The following FBXW10B variants were observed in gnomAD, a reference collection of about 807,000 sequenced individuals.
FBXW10B encodes the protein F-box and WD repeat domain containing 10B.
chr17:15,610,642 A>G, the FBXW10B span, among the ~76,000 whole-genome samples: 1 of 152,106 alleles, frequency 6.6e-6, no homozygotes, highest in Non-Finnish European at 1.5e-5. Flanking sequence ...GTTAGAAGAG[A>G]TTTCCTTGAA....
the FBXW10B span, among the ~76,000 whole-genome samples, chr17:15,576,776 G>T: frequency 6.6e-6 from 1 of 150,568 alleles, no homozygotes; most frequent in Admixed American, 6.6e-5. Flanking sequence ...ATTTAGAGAG[G>T]ATAAATTAAA....
the FBXW10B span, among the ~76,000 whole-genome samples, chr17:15,606,299 T>C: frequency 7.1e-6 from 1 of 140,590 alleles, no homozygotes; most frequent in Non-Finnish European, 1.5e-5. Context: ...CAGGGATGTA[T>C]AGTCACTCTA....
the FBXW10B span, among the ~76,000 whole-genome samples, chr17:15,587,261 G>T: frequency 1.3e-5 from 2 of 151,286 alleles, no homozygotes; most frequent in African/African-American, 2.5e-5. Context: ...TGACCACAGG[G>T]TTCAGAAGAG....
chr17:15,566,415 G>A, the FBXW10B span: 14 of 1,322,128 alleles, frequency 1.1e-5, 1 homozygote, highest in South Asian at 6.0e-5. Context: ...TATTAAGTAC[G>A]TATGCATTAA....
chr17:15,601,186 G>A, the FBXW10B span, among the ~76,000 whole-genome samples: 76 of 149,836 alleles, frequency 5.1e-4, no homozygotes, highest in Non-Finnish European at 9.7e-4. Flanking sequence ...GAGGCGGGCG[G>A]ATCACAAGGT....
At chr17:15,571,802 A>C in the FBXW10B span, 2 of 152,274 alleles carry the variant, frequency 1.3e-5, no homozygotes, top group South Asian at 2.1e-4. Flanking sequence ...TAAAAGGAAC[A>C]AACCACTGGT....
the FBXW10B span, among the ~76,000 whole-genome samples, chr17:15,581,642 G>T: frequency 1.3e-5 from 2 of 151,706 alleles, 1 homozygote; most frequent in Admixed American, 1.3e-4. Context: ...GCCGGCCGCA[G>T]TCAGCACTGG....
At chr17:15,573,817 C>A in the FBXW10B span, 28 of 288,754 alleles carry the variant, frequency 9.7e-5, no homozygotes, top group Non-Finnish European at 1.5e-4. Flanking sequence ...AGTAAAAACC[C>A]TTTGCATTTT....
At chr17:15,615,845 A>C in the FBXW10B span, 10 of 1,613,636 alleles carry the variant, frequency 6.2e-6, no homozygotes, top group South Asian at 1.1e-4. Flanking sequence ...GTTGCTCTTG[A>C]AGTGGGTGTG....
chr17:15,566,909 T>C, the FBXW10B span, among the ~76,000 whole-genome samples: 2 of 151,490 alleles, frequency 1.3e-5, no homozygotes. Context: ...GTAAAGAGTA[T>C]ATTAGCCTCT....
the FBXW10B span, among the ~76,000 whole-genome samples, chr17:15,611,566 C>G: frequency 3.9e-5 from 6 of 152,138 alleles, no homozygotes; most frequent in South Asian, 2.1e-4. Flanking sequence ...GTCCGCTACT[C>G]CCCACACCAC....
the FBXW10B span, among the ~76,000 whole-genome samples, chr17:15,581,991 G>T: frequency 6.6e-6 from 1 of 151,392 alleles, no homozygotes; most frequent in Non-Finnish European, 1.5e-5. Context: ...GAATTTAAAT[G>T]ATAAAAAGGA....
At chr17:15,616,673 G>A in the FBXW10B span, among the ~76,000 whole-genome samples, 9 of 151,864 alleles carry the variant, frequency 5.9e-5, no homozygotes, top group Admixed American at 2.0e-4. Context: ...GGGCGTGGTG[G>A]TGGCAGGCAC....
the FBXW10B span, chr17:15,619,078 G>A: frequency 6.2e-7 from 1 of 1,613,892 alleles, no homozygotes; most frequent in Non-Finnish European, 8.5e-7. Context: ...GTAATTTGGG[G>A]TTGCACATCT....
chr17:15,596,040 G>A, the FBXW10B span, among the ~76,000 whole-genome samples: 60 of 151,002 alleles, frequency 4.0e-4, no homozygotes, highest in African/African-American at 1.2e-3. Flanking sequence ...CACCATGCCC[G>A]GCTAATTTTT....
At chr17:15,612,881 A>G in the FBXW10B span, 233 of 1,587,898 alleles carry the variant, frequency 1.5e-4, 1 homozygote, top group South Asian at 2.3e-4. Flanking sequence ...CTTGGCTCCA[A>G]CTCTGCAGGA....
chr17:15,619,058 G>T, the FBXW10B span: 1 of 1,613,912 alleles, frequency 6.2e-7, no homozygotes, highest in Non-Finnish European at 8.5e-7. Context: ...CACATTGGCA[G>T]CAGTGAGCAG....
the FBXW10B span, chr17:15,618,855 T>C: frequency 1.0e-6 from 1 of 985,390 alleles, no homozygotes; most frequent in Non-Finnish European, 1.2e-6. Flanking sequence ...GGATCGGGTG[T>C]CAGGACGAGG....
chr17:15,613,647 C>T, the FBXW10B span: 17 of 1,592,116 alleles, frequency 1.1e-5, no homozygotes, highest in African/African-American at 7.3e-5. Context: ...TGAATGAAGC[C>T]GTGCGCTGAC....
Sources: gnomAD v4.1 joint callset for allele counts (sites outside exome capture counted in the v4.1 genomes callset) on GRCh38, gnomAD v4.1.1 for gene constraint, MANE v1.5 for transcripts, NCBI Gene and HGNC (gene_info 2026-07-23, HGNC 2026-07-21) for gene names.